Variants in MLLT3 observed in about 807,000 individuals in gnomAD.
The protein encoded by MLLT3 is protein AF-9.
MLLT3 carries 4 observed loss-of-function variants against 53.2 expected under a neutral mutation model. The observed-to-expected ratio is 0.08, with a 90% CI of 0.04 to 0.17. The LOEUF is 0.17. MLLT3 is among the 10% of genes least tolerant of loss of function. The pLI, the probability that MLLT3 is intolerant of heterozygous loss-of-function variation, is 1.00. For synonymous variants in MLLT3, 283 were observed against 230.6 expected (o/e 1.23, Z -2.06); for missense variants, 569 against 684.0 (o/e 0.83, Z 1.87).
At chr9:20,552,898 C>G (rs1031141731) in intron 2 of MLLT3, among the ~76,000 whole-genome samples, 1 of 151,954 alleles carries the variant, frequency 6.6e-6, no homozygotes, top group Non-Finnish European at 1.5e-5. Flanking sequence ...AAAGGTACAA[C>G]CTAAATGTTT....
Position 20,446,303 on chromosome 9 carries a change from C to G in MLLT3, c.420+1820G>C, listed in dbSNP as rs78319296. On this transcript the variant is annotated intron_variant, in intron 4 of 10. Transcript: ENST00000380338. ...TAGGAAAATATCTGCTGGCTTCAAACAGCACTTAAACACAAAGAAGGAAAG... is the reference window on the plus strand; with the variant it reads ...TAGGAAAATATCTGCTGGCTTCAAAGAGCACTTAAACACAAAGAAGGAAAG... Among the ~76,000 whole-genome samples the G allele has an allele frequency of 4.5e-3, 679 of 152,268 alleles. 8 individuals are homozygous for G. The highest frequency in any genetic ancestry group is 0.016 in the African/African-American group (654 of 41,556).
chr9:20,354,687 C>G, intron 9 of MLLT3, 121 bp downstream of exon 9: 1 of 674,328 alleles, frequency 1.5e-6, no homozygotes, highest in Non-Finnish European at 2.6e-6. Flanking sequence ...ATCATTTGGG[C>G]ATCTTGGACA....
intron 2 of MLLT3, among the ~76,000 whole-genome samples, chr9:20,594,048 C>A (rs933041178): frequency 1.3e-5 from 2 of 151,124 alleles, no homozygotes; most frequent in African/African-American, 4.9e-5. Context: ...TCAGGCGATT[C>A]TCCTGCCTCA....
At chr9:20,545,549 G>C (rs1818764629) in intron 2 of MLLT3, among the ~76,000 whole-genome samples, 1 of 152,100 alleles carries the variant, frequency 6.6e-6, no homozygotes, top group Non-Finnish European at 1.5e-5. Flanking sequence ...TGGAGGGTGA[G>C]TTTTATGTTA....
In MLLT3 at chr9:20,346,504, G is replaced by A. The variant is rs753150565; in HGVS notation, c.1646C>T (p.Ser549Leu). The change falls in exon 11 of 11, where the codon TCG becomes TTG. Residue 549 changes from serine (S) to leucine (L), a missense_variant. Ser to Leu is a moderately radical substitution (Grantham distance 145). Around this residue, in one of 5 missense-constraint regions of MLLT3, gnomAD observed 45 missense variants for 85.5 expected, o/e 0.53. Transcript: ENST00000380338. ...TTTACGGACTGTGGTTTTGTCCAGC[G>A]AGCAAAGATCAAAATCAAATGTTGT... ...TNTTFDFDLC[S>L]LDKTTVRKLQ... 8 of 1,613,452 alleles carry A rather than the reference G, an allele frequency of 5.0e-6. No homozygotes were observed. Among genetic ancestry groups the A allele is most frequent in the Non-Finnish European group, 6.8e-6 (8 of 1,179,634 alleles).
At chr9:20,473,250 A>C (rs1417182822) in intron 2 of MLLT3, among the ~76,000 whole-genome samples, 1 of 152,080 alleles carries the variant, frequency 6.6e-6, no homozygotes, top group Non-Finnish European at 1.5e-5. Context: ...TTCGTCCACC[A>C]AATGGTTAAA....
At chr9:20,615,824 G>C (rs1820818772) in intron 2 of MLLT3, among the ~76,000 whole-genome samples, 1 of 145,064 alleles carries the variant, frequency 6.9e-6, no homozygotes, top group Non-Finnish European at 1.5e-5. Flanking sequence ...AGACTGAAAA[G>C]AGAAGCTGGT....
At chr9:20,387,906 C>A (rs1481429073) in intron 5 of MLLT3, among the ~76,000 whole-genome samples, 1 of 152,168 alleles carries the variant, frequency 6.6e-6, no homozygotes, top group East Asian at 1.9e-4. Context: ...TCTGGAAGTT[C>A]CAGTTCTATA....
Position 20,414,360 on chromosome 9 carries a change from G to GCTGCTGCTGCTGCTGCTGCTA in MLLT3, c.485_486insTAGCAGCAGCAGCAGCAGCAG (p.Ser184_Ser190dup). On this transcript the variant is annotated inframe_insertion, in exon 5 of 11. Transcript: ENST00000380338. ...TGCTGCTGCTACTGCTGCTGCTGCTGCTGCTGCTGCTGCTGCTACTGCTGC... is the reference window on the plus strand; with the variant it reads ...TGCTGCTGCTACTGCTGCTGCTGCTGCTGCTGCTGCTGCTGCTGCTACTGCTGCTGCTGCTGCTACTGCTGC... The GCTGCTGCTGCTGCTGCTGCTA allele has an allele frequency of 6.2e-7, 1 of 1,604,450 alleles. No individual in the cohort carries two copies. Among genetic ancestry groups the GCTGCTGCTGCTGCTGCTGCTA allele is most frequent in the Admixed American group, 1.7e-5 (1 of 59,710 alleles).
At chr9:20,484,335 T>C (rs1453043739) in intron 2 of MLLT3, among the ~76,000 whole-genome samples, 3 of 152,168 alleles carry the variant, frequency 2.0e-5, no homozygotes, top group African/African-American at 7.2e-5. Context: ...GCTCTCCAGC[T>C]TATTCTTTTA....
chr9:20,584,832 C>T (rs369708422), intron 2 of MLLT3, among the ~76,000 whole-genome samples: 1 of 152,142 alleles, frequency 6.6e-6, no homozygotes, highest in East Asian at 1.9e-4. Flanking sequence ...CATGTCTTTT[C>T]GTAGTTTGAT....
At chr9:20,546,680 G>C (rs754081644) in intron 2 of MLLT3, among the ~76,000 whole-genome samples, 3 of 152,194 alleles carry the variant, frequency 2.0e-5, no homozygotes, top group Admixed American at 6.5e-5. Flanking sequence ...AGAGTTCCAA[G>C]CTAAGGAATC....
chr9:20,444,426 CCAAT>C (rs1447742920), intron 4 of MLLT3, among the ~76,000 whole-genome samples: 1 of 152,050 alleles, frequency 6.6e-6, no homozygotes, highest in Non-Finnish European at 1.5e-5. Flanking sequence ...CTTCCCTCTA[CCAAT>C]CAAAGAATAA....
chr9:20,511,341 T>C (rs1825528788), intron 2 of MLLT3, among the ~76,000 whole-genome samples: 1 of 152,038 alleles, frequency 6.6e-6, no homozygotes, highest in Non-Finnish European at 1.5e-5. Flanking sequence ...TATATGCAAA[T>C]ACAAACATAT....
chr9:20,346,150 GTTTGA>G lies in MLLT3; in HGVS notation c.*288_*292del. ...CATTCTTTGAGTTTTCTTGTGTTGT[GTTTGA>G]TTTGTTTGTTTTCAAGGCTATCCAG... On this transcript the variant is annotated 3_prime_UTR_variant, in exon 11 of 11. Coordinates refer to ENST00000380338, the MANE Select transcript of MLLT3 (RefSeq NM_004529.4). The G allele has an allele frequency of 5.9e-6, 2 of 338,198 alleles. No individual in the cohort carries two copies. The highest frequency in any genetic ancestry group is 4.7e-5 in the East Asian group (1 of 21,132). 20.9% of individuals were successfully genotyped at this position (338,198 alleles called of 1,614,324 possible). A position where few individuals can be genotyped will look rare whatever the true frequency, so the allele number is the denominator to read the frequency against.
In MLLT3 at chr9:20,456,695, A is replaced by G; in HGVS notation, c.276+9T>C. ...TCTACTGAAAGATTAATGGGTAAAG[A>G]TTACATACCTTGTTTTTAAAATAAA... is the stretch of plus-strand genomic sequence containing the variant. On this transcript the variant is annotated intron_variant, in intron 3 of 10. Coordinates refer to ENST00000380338, the MANE Select transcript of MLLT3 (RefSeq NM_004529.4). The G allele has an allele frequency of 6.3e-7, 1 of 1,584,898 alleles. No homozygotes were observed. The highest frequency in any genetic ancestry group is 8.6e-7 in the Non-Finnish European group (1 of 1,157,516).
intron 3 of MLLT3, among the ~76,000 whole-genome samples, chr9:20,454,546 T>A (rs1304829490): frequency 6.6e-6 from 1 of 152,220 alleles, no homozygotes; most frequent in Admixed American, 6.5e-5. Flanking sequence ...AAGACAGTGA[T>A]ATAATCATAA....
intron 2 of MLLT3, among the ~76,000 whole-genome samples, chr9:20,608,964 T>C (rs915064683): frequency 2.0e-5 from 3 of 151,946 alleles, no homozygotes; most frequent in African/African-American, 7.2e-5. Context: ...CTTCTCAAAA[T>C]GTGGGGTAAA....
At chr9:20,617,634 C>T (rs186646925) in intron 2 of MLLT3, among the ~76,000 whole-genome samples, 1 of 152,218 alleles carries the variant, frequency 6.6e-6, no homozygotes, top group African/African-American at 2.4e-5. Context: ...ATCTTTGGTA[C>T]TAATAAATAA....
Sources: gnomAD v4.1 joint callset for allele counts (sites outside exome capture counted in the v4.1 genomes callset) on GRCh38, gnomAD v4.1.1 for gene constraint, gnomAD v4.1.1 regional missense constraint, MANE v1.5 for transcripts, NCBI Gene and HGNC (gene_info 2026-07-23, HGNC 2026-07-21) for gene names.